Variants in TSPAN12 observed in about 807,000 individuals in gnomAD.
TSPAN12 encodes tetraspanin 12, also known as tetraspanin-12.
TSPAN12 carries 19 observed loss-of-function variants against 39.2 expected under a neutral mutation model. The observed-to-expected ratio is 0.49, with a 90% CI of 0.34 to 0.71. The LOEUF is 0.71. Ranked by LOEUF, TSPAN12 falls within the 30% of genes least tolerant of loss-of-function variation. The pLI, the probability that TSPAN12 is intolerant of heterozygous loss-of-function variation, is 0.01. For missense variants in TSPAN12, 314 were observed against 359.9 expected (o/e 0.87, Z 1.03); for synonymous variants, 119 against 124.8 (o/e 0.95, Z 0.31).
At chr7:120,800,101 T>G (rs1793737054) in intron 7 of TSPAN12, among the ~76,000 whole-genome samples, 1 of 151,556 alleles carries the variant, frequency 6.6e-6, no homozygotes, top group African/African-American at 2.4e-5. Context: ...ATAATATTGG[T>G]TATAAAACAA....
At chr7:120,808,973 T>A (rs1330037459) in intron 6 of TSPAN12, among the ~76,000 whole-genome samples, 2 of 149,832 alleles carry the variant, frequency 1.3e-5, no homozygotes, top group African/African-American at 4.9e-5. Context: ...GGTATTTAAA[T>A]ATATATATAT....
chr7:120,816,849 A>G (rs373440788), intron 4 of TSPAN12, among the ~76,000 whole-genome samples: 4 of 152,266 alleles, frequency 2.6e-5, no homozygotes, highest in African/African-American at 9.6e-5. Flanking sequence ...AAGAGGAGGC[A>G]TGAAGCGAGC....
At chr7:120,803,748 G>C (rs1233278127) in intron 7 of TSPAN12, among the ~76,000 whole-genome samples, 1 of 152,048 alleles carries the variant, frequency 6.6e-6, no homozygotes. Flanking sequence ...AAAATAATCT[G>C]GGCTATCAAC....
At chr7:120,810,234 A>G (rs1407318754) in intron 6 of TSPAN12, among the ~76,000 whole-genome samples, 1 of 152,230 alleles carries the variant, frequency 6.6e-6, no homozygotes, top group African/African-American at 2.4e-5. Context: ...AGATGTTCTT[A>G]AATATATGTG....
At chr7:120,792,303 T>G (rs187312847) in intron 7 of TSPAN12, among the ~76,000 whole-genome samples, 103 of 152,292 alleles carry the variant, frequency 6.8e-4, no homozygotes, top group African/African-American at 2.3e-3. Flanking sequence ...GAGGATGTCT[T>G]TATTTGACCT....
At chr7:120,796,078 G>A (rs920369914) in intron 7 of TSPAN12, among the ~76,000 whole-genome samples, 2 of 152,072 alleles carry the variant, frequency 1.3e-5, no homozygotes, top group African/African-American at 4.8e-5. Context: ...CAAAAAAAAT[G>A]TATTTACAAA....
intron 4 of TSPAN12, among the ~76,000 whole-genome samples, chr7:120,825,154 GT>G (rs902358823): frequency 4.6e-5 from 7 of 151,894 alleles, no homozygotes; most frequent in Non-Finnish European, 7.4e-5. Context: ...TTTACATAAG[GT>G]TTTTTTTGTG....
At chr7:120,856,603 T>C in intron 2 of TSPAN12, 95 bp downstream of exon 2, 2 of 1,271,418 alleles carry the variant, frequency 1.6e-6, no homozygotes, top group East Asian at 2.3e-5. Context: ...ATGTAATTAA[T>C]TAATGCTTAG....
At chr7:120,824,572 T>TA (rs1268107692) in intron 4 of TSPAN12, among the ~76,000 whole-genome samples, 1 of 152,214 alleles carries the variant, frequency 6.6e-6, no homozygotes, top group Non-Finnish European at 1.5e-5. Flanking sequence ...CATTCAATGA[T>TA]AGTCTGAATT....
chr7:120,830,231 A>T (rs542167515), intron 4 of TSPAN12, among the ~76,000 whole-genome samples: 1 of 152,280 alleles, frequency 6.6e-6, no homozygotes, highest in Non-Finnish European at 1.5e-5. Flanking sequence ...ATCCAAAGTG[A>T]CCTACAAATT....
At chr7:120,835,723 A>G (rs112297273) in intron 4 of TSPAN12, among the ~76,000 whole-genome samples, 1 of 152,196 alleles carries the variant, frequency 6.6e-6, no homozygotes. Flanking sequence ...CTGGCACTGT[A>G]AGTACTCAAG....
At chr7:120,808,943 T>C (rs1262646345) in intron 6 of TSPAN12, among the ~76,000 whole-genome samples, 1 of 151,302 alleles carries the variant, frequency 6.6e-6, no homozygotes, top group East Asian at 1.9e-4. Flanking sequence ...CCAGTATGAC[T>C]GATGTACTTA....
chr7:120,822,321 G>T (rs1456825579), intron 4 of TSPAN12, among the ~76,000 whole-genome samples: 1 of 151,990 alleles, frequency 6.6e-6, no homozygotes, highest in Non-Finnish European at 1.5e-5. Flanking sequence ...AAAATGATCT[G>T]CTTCCCTGAT....
At chr7:120,794,892 A>G (rs1188615794) in intron 7 of TSPAN12, among the ~76,000 whole-genome samples, 1 of 152,226 alleles carries the variant, frequency 6.6e-6, no homozygotes, top group Non-Finnish European at 1.5e-5. Flanking sequence ...TATTGAAGTA[A>G]TTCAACCTGA....
At chr7:120,828,529 T>C (rs1794330953) in intron 4 of TSPAN12, among the ~76,000 whole-genome samples, 1 of 152,132 alleles carries the variant, frequency 6.6e-6, no homozygotes, top group Non-Finnish European at 1.5e-5. Flanking sequence ...TGGCCCACTG[T>C]CCACCAACCA....
chr7:120,849,862 A>T (rs1794738426), intron 2 of TSPAN12, among the ~76,000 whole-genome samples: 1 of 152,326 alleles, frequency 6.6e-6, no homozygotes, highest in South Asian at 2.1e-4. Flanking sequence ...CTGAGGTTAC[A>T]GGCATGAGCC....
At chr7:120,829,672 T>C (rs1176175778) in intron 4 of TSPAN12, among the ~76,000 whole-genome samples, 2 of 152,188 alleles carry the variant, frequency 1.3e-5, no homozygotes, top group Non-Finnish European at 2.9e-5. Context: ...GTGACCAGTA[T>C]TCACAGGTGG....
intron 4 of TSPAN12, among the ~76,000 whole-genome samples, chr7:120,832,126 A>G (rs1477049183): frequency 6.6e-6 from 1 of 152,086 alleles, no homozygotes; most frequent in East Asian, 1.9e-4. Context: ...TGCTTTATCC[A>G]TAATTCTACC....
At chr7:120,821,424 T>C (rs1794185654) in intron 4 of TSPAN12, among the ~76,000 whole-genome samples, 1 of 143,364 alleles carries the variant, frequency 7.0e-6, no homozygotes, top group African/African-American at 2.6e-5. Flanking sequence ...ATTGTCTTGT[T>C]GACTTAAAAA....
Sources: allele counts gnomAD v4.1 joint callset (sites outside exome capture counted in the v4.1 genomes callset), GRCh38; gene constraint gnomAD v4.1.1; transcripts MANE v1.5; gene names NCBI Gene and HGNC (gene_info 2026-07-23, HGNC 2026-07-21).